Variants in IQCK observed in about 807,000 individuals in gnomAD.
IQCK encodes IQ domain-containing protein K.
A neutral mutation model predicts 28.1 loss-of-function variants in IQCK; 29 were observed. That is an observed-to-expected ratio of 1.03 (90% CI 0.77 to 1.41). IQCK has a LOEUF of 1.41. IQCK is among the 40% of genes most tolerant of loss of function. IQCK has a pLI of 0.00. For missense variants in IQCK, 359 were observed against 314.7 expected, an observed-to-expected ratio of 1.14 and a Z score of -1.07; for synonymous variants, 113 against 115.1, an observed-to-expected ratio of 0.98 and a Z score of 0.12.
exon 3 of IQCK, chr16:19,733,705 C>T (rs755609648): frequency 1.9e-6 from 3 of 1,613,904 alleles, no homozygotes; most frequent in South Asian, 1.1e-5. Context: ...CAGGTTGCGC[C>T]AGTAGAGGAA....
At chr16:19,834,427 A>G (rs1162036019) in intron 9 of IQCK, among the ~76,000 whole-genome samples, 1 of 152,224 alleles carries the variant, frequency 6.6e-6, no homozygotes, top group Non-Finnish European at 1.5e-5. Context: ...GAGCCATCCC[A>G]GGCCATGCTG....
intron 4 of IQCK, among the ~76,000 whole-genome samples, chr16:19,746,887 A>G (rs992974814): frequency 9.2e-5 from 14 of 152,216 alleles, no homozygotes; most frequent in Admixed American, 7.9e-4. Context: ...TAGGGGGAAC[A>G]TTATCATTTG....
At chr16:19,781,944 G>A (rs62025022) in intron 6 of IQCK, among the ~76,000 whole-genome samples, 35 of 151,946 alleles carry the variant, frequency 2.3e-4, no homozygotes, top group Admixed American at 3.9e-4. Flanking sequence ...AGCCGAGATC[G>A]TGCCACTGCA....
chr16:19,856,610 C>T (rs769223376), exon 10 of IQCK: 1 of 1,284,950 alleles, frequency 7.8e-7, no homozygotes, highest in Non-Finnish European at 1.1e-6. Flanking sequence ...GGAAAATGTC[C>T]AAATGATGCT....
rs989665880 is a variant in IQCK, at chr16:19,761,223, T to A, written c.475-2625T>A. On this transcript the variant is annotated intron_variant, in intron 4 of 7. Coordinates refer to ENST00000564186, the Ensembl canonical transcript of IQCK. ...GGAGTTGCTCTGGTTCACGTGCCTC[T>A]GACATTTCCAATAAGGTTACATTCC... The A allele has an allele frequency of 3.4e-5, 12 of 353,828 alleles. No homozygotes were observed. In the Admixed American group the frequency reaches 4.3e-4, roughly 13 times the overall value. The allele number at this position is 353,828 out of a possible 1,614,324, so 21.9% of individuals were successfully genotyped here.
At chr16:19,761,814 G>C (rs2055149132) in intron 4 of IQCK, 1 of 173,310 alleles carries the variant, frequency 5.8e-6, no homozygotes, top group Admixed American at 5.5e-5. Flanking sequence ...CAAGAACAGT[G>C]GTAATAAAAC....
intron 9 of IQCK, among the ~76,000 whole-genome samples, chr16:19,850,311 G>A (rs753418377): frequency 1.3e-5 from 2 of 152,166 alleles, no homozygotes; most frequent in African/African-American, 2.4e-5. Context: ...CCTTGAGCAA[G>A]TTGCATGACC....
At chr16:19,798,930 T>C (rs903282681) in intron 7 of IQCK, among the ~76,000 whole-genome samples, 2 of 28,034 alleles carry the variant, frequency 7.1e-5, no homozygotes, top group South Asian at 1.5e-3. Flanking sequence ...AAAAAAAAAT[T>C]TGGAGAAGGG....
intron 4 of IQCK, among the ~76,000 whole-genome samples, chr16:19,759,272 C>T (rs1283059745): frequency 6.6e-6 from 1 of 152,020 alleles, no homozygotes; most frequent in Non-Finnish European, 1.5e-5. Flanking sequence ...AGTGCAGTGG[C>T]GTGATAGCTC....
rs191441812 is a variant in IQCK, at chr16:19,719,013, C to T, written c.181+526C>T. 5.7e-3 allele frequency among the ~76,000 whole-genome samples: 867 copies of T among 152,302 alleles called. 7 individuals carry two copies. Among genetic ancestry groups the T allele is most frequent in the African/African-American group, 0.02 (827 of 41,562 alleles). ...CCTTCTTGCTTCAAACCTTCCTTAA[C>T]CTCCCCAGGCGGAGTTGAGCACATC... On this transcript the variant is annotated intron_variant, in intron 1 of 7. Transcript: ENST00000564186.
intron 4 of IQCK, chr16:19,761,463 G>A: frequency 2.2e-6 from 1 of 453,958 alleles, no homozygotes. Context: ...TGGGCAAAGA[G>A]GATTTCCAGG....
exon 10 of IQCK, chr16:19,857,826 A>T (rs2056581809): frequency 6.5e-6 from 1 of 154,438 alleles, no homozygotes; most frequent in African/African-American, 2.4e-5. Context: ...GGAGATGCAC[A>T]GAACTTCCCA....
chr16:19,770,902 C>T (rs978614548), intron 6 of IQCK, among the ~76,000 whole-genome samples: 8 of 152,128 alleles, frequency 5.3e-5, no homozygotes, highest in African/African-American at 1.7e-4. Flanking sequence ...GGATTACAGG[C>T]GTGAGCCATC....
chr16:19,812,975 C>CA (rs2055928267), intron 7 of IQCK, among the ~76,000 whole-genome samples: 1 of 152,228 alleles, frequency 6.6e-6, no homozygotes, highest in Admixed American at 6.5e-5. Context: ...TGGTAAAACA[C>CA]AGATTCCTGG....
intron 4 of IQCK, among the ~76,000 whole-genome samples, chr16:19,757,962 T>G (rs570991572): frequency 6.6e-6 from 1 of 152,348 alleles, no homozygotes; most frequent in South Asian, 2.1e-4. Context: ...GAGGACATGA[T>G]GATGCCTTAA....
At chr16:19,727,943 A>G (rs1045344404) in intron 1 of IQCK, among the ~76,000 whole-genome samples, 1 of 152,054 alleles carries the variant, frequency 6.6e-6, no homozygotes, top group Admixed American at 6.6e-5. Flanking sequence ...AACACACCTC[A>G]CTTATTCAAT....
chr16:19,718,348 C>T (rs778834455), exon 1 of IQCK: 2 of 1,610,322 alleles, frequency 1.2e-6, no homozygotes, highest in Non-Finnish European at 1.7e-6. Flanking sequence ...TAGTGCGCCT[C>T]AAGCCCAGCT....
chr16:19,839,230 G>T (rs181670782), intron 9 of IQCK, among the ~76,000 whole-genome samples: 6,134 of 150,822 alleles, frequency 0.041, 212 homozygotes, highest in Non-Finnish European at 0.061. Context: ...GCATGATCTT[G>T]GCTCACTGCA....
chr16:19,752,573 C>T, intron 4 of IQCK, among the ~76,000 whole-genome samples: 1 of 152,026 alleles, frequency 6.6e-6, no homozygotes, highest in Non-Finnish European at 1.5e-5. Flanking sequence ...TTATATATTA[C>T]TTATTTATTT....
Sources: gnomAD v4.1 joint callset for allele counts (sites outside exome capture counted in the v4.1 genomes callset) on GRCh38, gnomAD v4.1.1 for gene constraint, MANE v1.5 for transcripts, NCBI Gene and HGNC (gene_info 2026-07-23, HGNC 2026-07-21) for gene names.